Variants in SNTG1 observed in about 807,000 individuals in gnomAD.
SNTG1 encodes syntrophin gamma 1.
SNTG1 carries 39 observed loss-of-function variants against 74.7 expected under a neutral mutation model. That is an observed-to-expected ratio of 0.52 (90% confidence interval 0.40 to 0.68). SNTG1 has a LOEUF of 0.68. Among genes scored for constraint, SNTG1 ranks in the 30% least tolerant of loss-of-function variants. The pLI is 0.00. For missense variants in SNTG1, 685 were observed against 609.5 expected (o/e 1.12, Z -1.30); for synonymous variants, 254 against 217.1 (o/e 1.17, Z -1.49).
intron 13 of SNTG1, among the ~76,000 whole-genome samples, chr8:50,617,322 T>A (rs181306663): frequency 6.6e-6 from 1 of 151,982 alleles, no homozygotes; most frequent in African/African-American, 2.4e-5. Context: ...AGCAAATGAA[T>A]CTTGGCATGC....
intron 12 of SNTG1, among the ~76,000 whole-genome samples, chr8:50,562,055 C>T (rs1471507957): frequency 1.3e-5 from 2 of 152,188 alleles, no homozygotes; most frequent in African/African-American, 4.8e-5. Context: ...CTAAAATTTT[C>T]TGATTTATAA....
At chr8:50,208,876 G>C (rs868622486) in intron 2 of SNTG1, among the ~76,000 whole-genome samples, 25 of 152,170 alleles carry the variant, frequency 1.6e-4, no homozygotes, top group African/African-American at 6.0e-4. Flanking sequence ...TGAGGTACCA[G>C]GTTCATCTCA....
intron 9 of SNTG1, among the ~76,000 whole-genome samples, chr8:50,513,957 A>G (rs1468885353): frequency 6.6e-6 from 1 of 152,122 alleles, no homozygotes; most frequent in Non-Finnish European, 1.5e-5. Context: ...AATGAGATGA[A>G]CCCAGTATCT....
intron 8 of SNTG1, among the ~76,000 whole-genome samples, chr8:50,491,694 C>CTTACTTATTTAT (rs1323160777): frequency 6.6e-6 from 1 of 150,406 alleles, no homozygotes; most frequent in Non-Finnish European, 1.5e-5. Context: ...TGATCCAGAA[C>CTTACTTATTTAT]TTATTTATTT....
chr8:50,539,138 T>C (rs2094328117), intron 11 of SNTG1, among the ~76,000 whole-genome samples: 1 of 152,196 alleles, frequency 6.6e-6, no homozygotes, highest in Admixed American at 6.6e-5. Context: ...GTGAGATATT[T>C]TCAATATCTC....
rs547794568 is a variant in SNTG1, at chr8:50,606,027, G to A, written c.849+15110G>A. Among the ~76,000 whole-genome samples the A allele has an allele frequency of 1.2e-4, 19 of 152,222 alleles. 1 individual carries two copies. In the South Asian group the frequency reaches 3.9e-3, roughly 32 times the overall value. ...ATGTGTATTTGAATTTCCTTTGCTA[G>A]TATTTTGTTGAGAGTTTTTGCATTG... is the stretch of plus-strand genomic sequence containing the variant. On this transcript the variant is annotated intron_variant, in intron 13 of 18. Coordinates refer to ENST00000642720, the MANE Select transcript of SNTG1 (RefSeq NM_018967.5).
At chr8:50,217,117 G>A (rs753461948) in intron 2 of SNTG1, among the ~76,000 whole-genome samples, 30 of 151,768 alleles carry the variant, frequency 2.0e-4, no homozygotes, top group Admixed American at 5.3e-4. Flanking sequence ...TTTTTAAGCC[G>A]ATGATTCAAC....
At position 50,208,633 on chromosome 8, in the gene SNTG1, G is replaced by A. The variant is rs186217118; in HGVS notation, c.-28+35998G>A. Among the ~76,000 whole-genome samples, 29 of 152,316 alleles carry A rather than the reference G, an allele frequency of 1.9e-4. 1 individual carries two copies. Among genetic ancestry groups the A allele is most frequent in the African/African-American group, 6.7e-4 (28 of 41,564 alleles). On this transcript the variant is annotated intron_variant, in intron 2 of 18. Coordinates refer to ENST00000642720, the MANE Select transcript of SNTG1 (RefSeq NM_018967.5). ...TGTTAGCTGGTTATGTTGCTTGTTA[G>A]TTGATACAGTTTCTTCCTAGCCTTG... is the stretch of plus-strand genomic sequence containing the variant.
intron 2 of SNTG1, among the ~76,000 whole-genome samples, chr8:50,194,522 T>C (rs1348517030): frequency 6.6e-6 from 1 of 152,150 alleles, no homozygotes; most frequent in African/African-American, 2.4e-5. Flanking sequence ...TATCTCCTGT[T>C]TCATTTCTCA....
chr8:50,324,619 G>A (rs1193849846), intron 2 of SNTG1, among the ~76,000 whole-genome samples: 1 of 151,866 alleles, frequency 6.6e-6, no homozygotes, highest in South Asian at 2.1e-4. Context: ...TTAGTTCCTG[G>A]TATATTTTGA....
At chr8:50,619,469 C>T (rs2094906344) in intron 13 of SNTG1, among the ~76,000 whole-genome samples, 2 of 152,228 alleles carry the variant, frequency 1.3e-5, no homozygotes, top group Admixed American at 6.5e-5. Context: ...AGGTGGCTCA[C>T]GCCTGTAATC....
At chr8:50,070,018 T>C (rs1340368835) in intron 1 of SNTG1, among the ~76,000 whole-genome samples, 1 of 152,108 alleles carries the variant, frequency 6.6e-6, no homozygotes, top group Non-Finnish European at 1.5e-5. Flanking sequence ...TGGGGCTGTA[T>C]TGGCAGTAAA....
intron 1 of SNTG1, among the ~76,000 whole-genome samples, chr8:50,087,507 T>C (rs998188501): frequency 1.4e-4 from 21 of 152,192 alleles, no homozygotes; most frequent in African/African-American, 5.1e-4. Context: ...TGCATACCTC[T>C]TCCTACATTT....
chr8:49,999,617 C>T (rs903066326), intron 1 of SNTG1, among the ~76,000 whole-genome samples: 15 of 152,102 alleles, frequency 9.9e-5, no homozygotes, highest in African/African-American at 3.4e-4. Flanking sequence ...TTTGCACCTG[C>T]GATTCCATGT....
At chr8:50,775,901 G>T (rs2095639428) in intron 18 of SNTG1, among the ~76,000 whole-genome samples, 1 of 151,320 alleles carries the variant, frequency 6.6e-6, no homozygotes, top group East Asian at 1.9e-4. Context: ...TTACTTTGAA[G>T]TTTAGCTCAT....
chr8:50,652,558 A>G (rs1287715112), intron 13 of SNTG1, among the ~76,000 whole-genome samples: 3 of 152,076 alleles, frequency 2.0e-5, no homozygotes, highest in Admixed American at 6.6e-5. Flanking sequence ...CCACTTTGGG[A>G]AGCAAAGGAG....
chr8:50,420,957 G>A lies in SNTG1; in HGVS notation c.163-17586G>A, dbSNP rs559263145. ...GGAGAATTGTTTGAACCAAGGAGGTGGAGGTTATGGTGACCCAAGACTATA... is the reference window on the plus strand; with the variant it reads ...GGAGAATTGTTTGAACCAAGGAGGTAGAGGTTATGGTGACCCAAGACTATA... On this transcript the variant is annotated intron_variant, in intron 4 of 18. Transcript: ENST00000642720. 2.7e-5 allele frequency among the ~76,000 whole-genome samples: 4 copies of A among 146,030 alleles called. No homozygotes were observed. In the South Asian group the frequency reaches 6.7e-4, roughly 24 times the overall value.
chr8:50,589,038 G>A (rs1234789776), intron 12 of SNTG1, among the ~76,000 whole-genome samples: 5 of 151,684 alleles, frequency 3.3e-5, no homozygotes, highest in Admixed American at 3.3e-4. Flanking sequence ...TCTAATTTCT[G>A]ATACAGATAT....
Position 50,543,380 on chromosome 8 carries a change from T to C in SNTG1, c.680+6572T>C, listed in dbSNP as rs535804010. 1.1e-4 allele frequency among the ~76,000 whole-genome samples: 16 copies of C among 152,316 alleles called. No individual in the cohort carries two copies. In the East Asian group the frequency reaches 2.9e-3, roughly 28 times the overall value. ...ACCTTTGTTGAATGTGAGTTGGCTG[T>C]TAATGAGAGAATTGATTTCTGGGTT... On this transcript the variant is annotated intron_variant, in intron 11 of 18. Coordinates refer to ENST00000642720, the MANE Select transcript of SNTG1 (RefSeq NM_018967.5).
Sources: allele counts gnomAD v4.1 joint callset (sites outside exome capture counted in the v4.1 genomes callset), GRCh38; gene constraint gnomAD v4.1.1; transcripts MANE v1.5; gene names NCBI Gene and HGNC (gene_info 2026-07-23, HGNC 2026-07-21).